CCDC85A: variants seen among roughly 807,000 people sequenced by gnomAD.
CCDC85A encodes coiled-coil domain containing 85A.
A neutral mutation model predicts 50.2 loss-of-function variants in CCDC85A; 38 were observed. The observed-to-expected ratio is 0.76, with a 90% CI of 0.58 to 0.99. CCDC85A has a LOEUF of 0.99. CCDC85A is among the 50% of genes least tolerant of loss of function. The pLI, the probability that CCDC85A is intolerant of heterozygous loss-of-function variation, is 0.00. For synonymous variants in CCDC85A, 366 were observed against 301.4 expected, an observed-to-expected ratio of 1.21 and a Z score of -2.22; for missense variants, 820 against 742.0, an observed-to-expected ratio of 1.11 and a Z score of -1.22.
intron 3 of CCDC85A, among the ~76,000 whole-genome samples, chr2:56,347,079 G>T (rs1280983468): frequency 6.6e-6 from 1 of 152,164 alleles, no homozygotes; most frequent in Non-Finnish European, 1.5e-5. Flanking sequence ...GTAGTTTTAA[G>T]GAGTTTTGTA....
intron 2 of CCDC85A, among the ~76,000 whole-genome samples, chr2:56,281,998 T>A (rs1345683344): frequency 6.6e-6 from 1 of 152,206 alleles, no homozygotes; most frequent in African/African-American, 2.4e-5. Flanking sequence ...AATCTTTGCA[T>A]ACTCTAAGAT....
chr2:56,189,563 T>A (rs1676209241), intron 1 of CCDC85A, among the ~76,000 whole-genome samples: 1 of 152,136 alleles, frequency 6.6e-6, no homozygotes. Flanking sequence ...AGTGTTGGGA[T>A]TACAGATATG....
chr2:56,379,937 C>A, intron 5 of CCDC85A: 1 of 259,010 alleles, frequency 3.9e-6, no homozygotes, highest in Non-Finnish European at 6.0e-6. Context: ...AAAATGCTGA[C>A]CAAATGCCTT....
At chr2:56,229,373 T>C (rs1169642473) in intron 2 of CCDC85A, among the ~76,000 whole-genome samples, 1 of 152,230 alleles carries the variant, frequency 6.6e-6, no homozygotes, top group Non-Finnish European at 1.5e-5. Context: ...TTTTCTTTAG[T>C]TTTTATAAAG....
intron 3 of CCDC85A, among the ~76,000 whole-genome samples, chr2:56,344,076 C>T (rs1674510239): frequency 6.6e-6 from 1 of 152,102 alleles, no homozygotes; most frequent in African/African-American, 2.4e-5. Context: ...CAGTAGTTGT[C>T]CCCCTTTTCA....
At chr2:56,269,624 A>G (rs576248971) in intron 2 of CCDC85A, among the ~76,000 whole-genome samples, 47 of 151,876 alleles carry the variant, frequency 3.1e-4, no homozygotes, top group African/African-American at 1.0e-3. Context: ...CTCACCAACA[A>G]CTCCATCTCT....
chr2:56,358,400 G>T (rs1385881098), intron 3 of CCDC85A, among the ~76,000 whole-genome samples: 1 of 152,152 alleles, frequency 6.6e-6, no homozygotes, highest in East Asian at 1.9e-4. Context: ...CTTATTTTCT[G>T]GTTCATTTAC....
At chr2:56,251,034 A>G (rs1290791371) in intron 2 of CCDC85A, among the ~76,000 whole-genome samples, 1 of 151,654 alleles carries the variant, frequency 6.6e-6, no homozygotes, top group Non-Finnish European at 1.5e-5. Context: ...CATTCATTTT[A>G]TACGTTTCTG....
intron 1 of CCDC85A, among the ~76,000 whole-genome samples, chr2:56,186,561 G>A (rs1676056328): frequency 1.3e-5 from 2 of 152,182 alleles, no homozygotes; most frequent in South Asian, 2.1e-4. Flanking sequence ...GGACAAGGGG[G>A]CATTAGTTTG....
intron 2 of CCDC85A, among the ~76,000 whole-genome samples, chr2:56,264,441 A>T (rs952949205): frequency 2.6e-5 from 4 of 152,234 alleles, no homozygotes; most frequent in Admixed American, 2.6e-4. Context: ...TGACTCTCAC[A>T]TCTTGTCTAT....
chr2:56,287,670 C>T (rs536562142), intron 2 of CCDC85A, among the ~76,000 whole-genome samples: 2 of 152,304 alleles, frequency 1.3e-5, no homozygotes, highest in East Asian at 3.9e-4. Context: ...ACCAAACTCA[C>T]CCTTTCAGAG....
intron 1 of CCDC85A, among the ~76,000 whole-genome samples, chr2:56,187,971 A>G (rs1243805070): frequency 6.6e-6 from 1 of 152,182 alleles, no homozygotes; most frequent in Non-Finnish European, 1.5e-5. Flanking sequence ...CGACCCGCCC[A>G]CCACCCTGCT....
chr2:56,280,308 T>G (rs1549031), intron 2 of CCDC85A, among the ~76,000 whole-genome samples: 18 of 152,244 alleles, frequency 1.2e-4, no homozygotes, highest in African/African-American at 4.3e-4. Flanking sequence ...AACCTTGGCT[T>G]TTTAATCCAT....
intron 2 of CCDC85A, among the ~76,000 whole-genome samples, chr2:56,237,305 A>G (rs902392704): frequency 6.6e-6 from 1 of 152,202 alleles, no homozygotes; most frequent in Non-Finnish European, 1.5e-5. Context: ...TATCCTTATT[A>G]CAATTATAAT....
chr2:56,201,079 C>T (rs201672968), intron 2 of CCDC85A, among the ~76,000 whole-genome samples: 1 of 137,900 alleles, frequency 7.3e-6, no homozygotes, highest in Non-Finnish European at 1.6e-5. Flanking sequence ...TCTCTCTCCA[C>T]ACACACACAC....
At chr2:56,198,384 T>C (rs185682291) in intron 2 of CCDC85A, among the ~76,000 whole-genome samples, 200 of 152,372 alleles carry the variant, frequency 1.3e-3, no homozygotes, top group African/African-American at 4.8e-3. Context: ...CTGTGTGTAT[T>C]TCTGTTGTGT....
intron 2 of CCDC85A, among the ~76,000 whole-genome samples, chr2:56,315,563 T>C (rs1025046854): frequency 3.9e-5 from 6 of 152,110 alleles, no homozygotes; most frequent in Admixed American, 2.6e-4. Flanking sequence ...AAGACCACCA[T>C]ATGGAATCAA....
chr2:56,288,941 C>A (rs991879637), intron 2 of CCDC85A, among the ~76,000 whole-genome samples: 1 of 152,106 alleles, frequency 6.6e-6, no homozygotes, highest in African/African-American at 2.4e-5. Flanking sequence ...GTACAGAGAG[C>A]CTTATGACCC....
intron 2 of CCDC85A, among the ~76,000 whole-genome samples, chr2:56,227,031 A>G (rs771259590): frequency 2.6e-5 from 4 of 152,194 alleles, no homozygotes; most frequent in African/African-American, 4.8e-5. Context: ...TAAAAATTTT[A>G]GCTAATGTGG....
Sources: gnomAD v4.1 joint callset for allele counts (sites outside exome capture counted in the v4.1 genomes callset) on GRCh38, gnomAD v4.1.1 for gene constraint, MANE v1.5 for transcripts, NCBI Gene and HGNC (gene_info 2026-07-23, HGNC 2026-07-21) for gene names.